Variants in ASIC2 observed in about 807,000 individuals in gnomAD.
ASIC2 encodes the protein acid-sensing ion channel 2.
ASIC2 carries 25 observed loss-of-function variants against 57.3 expected under a neutral mutation model. That is an observed-to-expected ratio of 0.44 (90% CI 0.32 to 0.61). ASIC2 has a LOEUF of 0.61. ASIC2 is among the 20% of genes least tolerant of loss of function. The probability of loss-of-function intolerance (pLI) is 0.06; values close to 1 mark genes in which losing one functional copy is unlikely to be tolerated. For synonymous variants in ASIC2, 319 were observed against 307.5 expected, an observed-to-expected ratio of 1.04 and a Z score of -0.39; for missense variants, 641 against 738.1, an observed-to-expected ratio of 0.87 and a Z score of 1.52.
rs373120398 is a variant in ASIC2 at position 33,898,462 on chromosome 17, TCCTGATCTTGTGATCTGCCTG to T, written c.555+257495_555+257515del. 1.3e-3 allele frequency among the ~76,000 whole-genome samples: 201 copies of T among 152,088 alleles called. 2 individuals carry two copies. The highest frequency in any genetic ancestry group is 4.6e-3 in the African/African-American group (191 of 41,472). ...CATGTTAGCCAGGATGGTCTTGATC[TCCTGATCTTGTGATCTGCCTG>T]CCTCAGCCTCCCAAAGTGCTGGGAT... On this transcript the variant is annotated intron_variant, in intron 1 of 9. Transcript: ENST00000359872.
intron 1 of ASIC2, among the ~76,000 whole-genome samples, chr17:33,743,291 G>A: frequency 6.6e-6 from 1 of 152,256 alleles, no homozygotes; most frequent in Non-Finnish European, 1.5e-5. Context: ...ATGAGGGACT[G>A]TGGCACTTGA....
chr17:33,944,402 T>G (rs1916260188), intron 1 of ASIC2, among the ~76,000 whole-genome samples: 1 of 152,172 alleles, frequency 6.6e-6, no homozygotes, highest in Non-Finnish European at 1.5e-5. Flanking sequence ...GGAAGGAGCC[T>G]TGATCATTAG....
chr17:33,320,440 C>T (rs964195247), intron 1 of ASIC2, among the ~76,000 whole-genome samples: 1 of 152,124 alleles, frequency 6.6e-6, no homozygotes, highest in Non-Finnish European at 1.5e-5. Context: ...TCTCAGCCCA[C>T]CCTCTGGTTC....
intron 1 of ASIC2, among the ~76,000 whole-genome samples, chr17:33,764,735 A>G (rs1311653220): frequency 6.6e-6 from 1 of 152,138 alleles, no homozygotes; most frequent in Non-Finnish European, 1.5e-5. Flanking sequence ...GTCCAATCAC[A>G]TGTTAAAGGC....
chr17:34,037,965 A>C (rs983463007), intron 1 of ASIC2: 66 of 1,613,588 alleles, frequency 4.1e-5, no homozygotes, highest in Non-Finnish European at 5.5e-5. Context: ...ACTTTATTTG[A>C]GATCTTTGGT....
chr17:33,636,377 G>A (rs986324233), intron 1 of ASIC2, among the ~76,000 whole-genome samples: 1 of 152,120 alleles, frequency 6.6e-6, no homozygotes, highest in South Asian at 2.1e-4. Flanking sequence ...TGCCTTAGGG[G>A]GAAGAAGGCA....
At chr17:33,712,635 G>GTTTTTTT (rs1567695931) in intron 1 of ASIC2, among the ~76,000 whole-genome samples, 24 of 123,308 alleles carry the variant, frequency 1.9e-4, no homozygotes, top group African/African-American at 6.8e-4. Context: ...TACTCATATG[G>GTTTTTTT]CTTTTTTTTT....
At chr17:33,780,120 G>A (rs372087724) in intron 1 of ASIC2, among the ~76,000 whole-genome samples, 6 of 151,928 alleles carry the variant, frequency 3.9e-5, no homozygotes, top group East Asian at 1.9e-4. Flanking sequence ...ACAGGTGCCC[G>A]CCACCATGCC....
intron 1 of ASIC2, among the ~76,000 whole-genome samples, chr17:33,611,174 T>G (rs534923524): frequency 8.5e-5 from 13 of 152,302 alleles, no homozygotes; most frequent in African/African-American, 3.1e-4. Context: ...CCTGGTCCCC[T>G]TCCCTTTCCC....
intron 1 of ASIC2, among the ~76,000 whole-genome samples, chr17:33,341,879 T>C (rs1201045188): frequency 6.6e-6 from 1 of 152,192 alleles, no homozygotes; most frequent in Non-Finnish European, 1.5e-5. Flanking sequence ...TGGCTACTGA[T>C]GCCCCTTTGT....
intron 1 of ASIC2, among the ~76,000 whole-genome samples, chr17:33,742,736 T>C (rs1258638199): frequency 1.3e-5 from 2 of 152,130 alleles, no homozygotes; most frequent in Non-Finnish European, 2.9e-5. Flanking sequence ...CTGATGTTCA[T>C]TGGTCACAAC....
intron 1 of ASIC2, among the ~76,000 whole-genome samples, chr17:34,150,941 C>T (rs1280815361): frequency 6.6e-6 from 1 of 151,850 alleles, no homozygotes; most frequent in Non-Finnish European, 1.5e-5. Flanking sequence ...GGTGAGACCC[C>T]ATCTCTACTA....
chr17:33,767,599 C>A (rs772953429), intron 1 of ASIC2, among the ~76,000 whole-genome samples: 4 of 152,146 alleles, frequency 2.6e-5, no homozygotes, highest in Non-Finnish European at 5.9e-5. Context: ...ATTTACAAAC[C>A]AGCTCTCATA....
At chr17:34,120,111 CT>C (rs1225180228) in intron 1 of ASIC2, 2 of 152,176 alleles carry the variant, frequency 1.3e-5, no homozygotes, top group African/African-American at 2.4e-5. Context: ...AGATTTGCCC[CT>C]GCTTTGCCTC....
intron 1 of ASIC2, among the ~76,000 whole-genome samples, chr17:33,997,253 C>T (rs1386466612): frequency 6.6e-6 from 1 of 151,692 alleles, no homozygotes; most frequent in Non-Finnish European, 1.5e-5. Context: ...GCTATCCTCC[C>T]ACCTCAACCC....
chr17:33,766,844 C>T (rs1910950116), intron 1 of ASIC2, among the ~76,000 whole-genome samples: 1 of 152,148 alleles, frequency 6.6e-6, no homozygotes, highest in Non-Finnish European at 1.5e-5. Flanking sequence ...TCCAAAAGCC[C>T]ATTCCTCTCA....
At chr17:33,386,797 G>A (rs1353425519) in intron 1 of ASIC2, among the ~76,000 whole-genome samples, 5 of 152,100 alleles carry the variant, frequency 3.3e-5, no homozygotes, top group Non-Finnish European at 5.9e-5. Flanking sequence ...TGCATGACTC[G>A]CAGACTTCCT....
intron 1 of ASIC2, chr17:34,039,628 T>C: frequency 4.3e-6 from 7 of 1,613,502 alleles, no homozygotes; most frequent in South Asian, 1.1e-5. Flanking sequence ...ACTAATTTTA[T>C]GTCCCCTAGG....
intron 1 of ASIC2, among the ~76,000 whole-genome samples, chr17:33,820,453 G>A (rs2141892587): frequency 6.6e-6 from 1 of 152,184 alleles, no homozygotes; most frequent in South Asian, 2.1e-4. Flanking sequence ...GGATATATTG[G>A]GTTAAATAAA....
Sources: allele counts gnomAD v4.1 joint callset (sites outside exome capture counted in the v4.1 genomes callset), GRCh38; gene constraint gnomAD v4.1.1; transcripts MANE v1.5; gene names NCBI Gene and HGNC (gene_info 2026-07-23, HGNC 2026-07-21).